Variants in LRRC4C observed in about 807,000 individuals in gnomAD.
LRRC4C encodes the protein leucine-rich repeat-containing protein 4C.
A neutral mutation model predicts 33.6 loss-of-function variants in LRRC4C; 5 were observed. The ratio of observed to expected loss-of-function variants is 0.15; its 90% CI spans 0.08 to 0.31. LRRC4C has a LOEUF of 0.31. Ranked by LOEUF, LRRC4C falls within the 10% of genes least tolerant of loss-of-function variation. The probability of loss-of-function intolerance (pLI) is 1.00; values close to 1 mark genes in which losing one functional copy is unlikely to be tolerated. For missense variants in LRRC4C, 560 were observed against 796.7 expected (o/e 0.70, Z 3.58); for synonymous variants, 329 against 302.0 (o/e 1.09, Z -0.93).
At chr11:40,746,402 G>A (rs538537286) in intron 2 of LRRC4C, among the ~76,000 whole-genome samples, 14 of 152,304 alleles carry the variant, frequency 9.2e-5, no homozygotes, top group African/African-American at 2.9e-4. Context: ...CGAAGCACAG[G>A]CTGCTGCTTT....
At chr11:40,155,707 T>C (rs920895291) in intron 5 of LRRC4C, among the ~76,000 whole-genome samples, 3 of 151,926 alleles carry the variant, frequency 2.0e-5, no homozygotes, top group African/African-American at 7.3e-5. Context: ...ATTGAAATGA[T>C]AACTAAAATA....
At chr11:41,413,868 T>G (rs538937653) in intron 1 of LRRC4C, among the ~76,000 whole-genome samples, 1 of 152,278 alleles carries the variant, frequency 6.6e-6, no homozygotes, top group African/African-American at 2.4e-5. Flanking sequence ...GCAAGATTTG[T>G]GAGAAACTTA....
intron 1 of LRRC4C, among the ~76,000 whole-genome samples, chr11:40,983,276 G>A (rs1375102915): frequency 4.6e-5 from 7 of 152,034 alleles, no homozygotes; most frequent in South Asian, 2.1e-4. Flanking sequence ...ACTAATTTAC[G>A]CACGACACAA....
intron 1 of LRRC4C, among the ~76,000 whole-genome samples, chr11:41,351,028 G>A (rs1951962230): frequency 6.6e-6 from 1 of 152,090 alleles, no homozygotes; most frequent in African/African-American, 2.4e-5. Flanking sequence ...TCAGGAGTTT[G>A]AGATCAGCCT....
At chr11:41,208,806 C>T (rs1470357025) in intron 1 of LRRC4C, among the ~76,000 whole-genome samples, 3 of 152,194 alleles carry the variant, frequency 2.0e-5, no homozygotes, top group South Asian at 2.1e-4. Context: ...GATGGAGCCA[C>T]CTCCTTGGTT....
At chr11:40,233,744 G>A (rs1485423271) in intron 5 of LRRC4C, among the ~76,000 whole-genome samples, 1 of 152,044 alleles carries the variant, frequency 6.6e-6, no homozygotes, top group African/African-American at 2.4e-5. Flanking sequence ...ATAAGCAAGA[G>A]TTTTAAAAAT....
intron 1 of LRRC4C, among the ~76,000 whole-genome samples, chr11:41,304,686 C>T (rs1950419952): frequency 9.9e-6 from 1 of 101,042 alleles, no homozygotes; most frequent in Non-Finnish European, 2.0e-5. Context: ...GGTCAGCCCC[C>T]CGCCCGGCCA....
chr11:40,672,214 G>A (rs1944160614), intron 2 of LRRC4C, among the ~76,000 whole-genome samples: 1 of 152,150 alleles, frequency 6.6e-6, no homozygotes, highest in African/African-American at 2.4e-5. Context: ...TTTCATAGAT[G>A]ATGCCCTCTC....
intron 5 of LRRC4C, among the ~76,000 whole-genome samples, chr11:40,201,297 G>GT (rs948925393): frequency 4.6e-5 from 7 of 152,014 alleles, no homozygotes; most frequent in South Asian, 2.1e-4. Flanking sequence ...TGGATTCCCT[G>GT]TTTTTTTGTC....
chr11:40,447,943 A>G (rs552919335), intron 3 of LRRC4C, among the ~76,000 whole-genome samples: 7 of 152,232 alleles, frequency 4.6e-5, no homozygotes, highest in African/African-American at 1.7e-4. Context: ...CAGCCTACCA[A>G]GTAGCTGGGA....
chr11:40,945,030 T>C lies in LRRC4C; in HGVS notation c.-495-11307A>G, dbSNP rs190692128. 2.5e-3 allele frequency among the ~76,000 whole-genome samples: 370 copies of C among 146,350 alleles called. 7 individuals carry two copies. The East Asian group carries it at 0.058, about 23-fold the overall frequency. On this transcript the variant is annotated intron_variant, in intron 1 of 6. Transcript: ENST00000528697. The stretch of plus-strand genomic sequence containing the variant: ...TTCAACTTTGCAGTTTTTCTTTTTT[T>C]TTTTTTTTTTTTTTTGAGACGGAGT...
At chr11:41,391,823 G>A (rs1033754858) in intron 1 of LRRC4C, among the ~76,000 whole-genome samples, 1 of 151,746 alleles carries the variant, frequency 6.6e-6, no homozygotes, top group African/African-American at 2.4e-5. Context: ...TCTCAAATGT[G>A]TCTATGAATA....
intron 3 of LRRC4C, among the ~76,000 whole-genome samples, chr11:40,521,172 C>G (rs1955795400): frequency 6.6e-6 from 1 of 152,134 alleles, no homozygotes; most frequent in South Asian, 2.1e-4. Flanking sequence ...ATGTCCAAAA[C>G]TAATCATGCT....
At chr11:40,341,688 A>T (rs1268519224) in intron 3 of LRRC4C, among the ~76,000 whole-genome samples, 2 of 152,170 alleles carry the variant, frequency 1.3e-5, no homozygotes, top group Admixed American at 6.6e-5. Context: ...AAAGTATAAT[A>T]AAAAAACTTT....
At chr11:41,100,849 A>C (rs1658698487) in intron 1 of LRRC4C, among the ~76,000 whole-genome samples, 1 of 152,026 alleles carries the variant, frequency 6.6e-6, no homozygotes, top group Admixed American at 6.6e-5. Context: ...CAGACACATA[A>C]ACAAATGGAA....
At chr11:40,390,807 C>T (rs573378937) in intron 3 of LRRC4C, among the ~76,000 whole-genome samples, 3 of 152,192 alleles carry the variant, frequency 2.0e-5, no homozygotes, top group Non-Finnish European at 2.9e-5. Context: ...TGTTATTGCC[C>T]ATTTGTGAAA....
At chr11:40,466,397 G>A (rs540083579) in intron 3 of LRRC4C, among the ~76,000 whole-genome samples, 1 of 151,702 alleles carries the variant, frequency 6.6e-6, no homozygotes, top group Non-Finnish European at 1.5e-5. Context: ...TACTTCCCTC[G>A]TAACCCCTAA....
chr11:41,288,560 A>G lies in LRRC4C; in HGVS notation c.-496+170871T>C, dbSNP rs149616578. Among the ~76,000 whole-genome samples the G allele has an allele frequency of 1.0e-2, 1,523 of 152,316 alleles. 14 individuals are homozygous for G. The highest frequency in any genetic ancestry group is 0.017 in the Middle Eastern group (5 of 294). On this transcript the variant is annotated intron_variant, in intron 1 of 6. Coordinates refer to ENST00000528697, the MANE Select transcript of LRRC4C (RefSeq NM_001258419.2). ...CTCTACCCCAGAATATATCACACTTAGTAAATAAGTAGTTGCATATTTCAT... is the reference window on the plus strand; with the variant it reads ...CTCTACCCCAGAATATATCACACTTGGTAAATAAGTAGTTGCATATTTCAT...
intron 1 of LRRC4C, among the ~76,000 whole-genome samples, chr11:40,952,145 T>G (rs1438290712): frequency 6.6e-6 from 1 of 151,914 alleles, no homozygotes; most frequent in Non-Finnish European, 1.5e-5. Context: ...TTATTTTTAT[T>G]TTAAGGATGG....
Sources: allele counts gnomAD v4.1 joint callset (sites outside exome capture counted in the v4.1 genomes callset), GRCh38; gene constraint gnomAD v4.1.1; transcripts MANE v1.5; gene names NCBI Gene and HGNC (gene_info 2026-07-23, HGNC 2026-07-21).